The following CACNA1C variants were observed in gnomAD, a reference collection of about 807,000 sequenced individuals.
CACNA1C encodes calcium voltage-gated channel subunit alpha1 C.
CACNA1C carries 30 observed loss-of-function variants against 229.0 expected under a neutral mutation model. The observed-to-expected ratio is 0.13, with a 90% confidence interval of 0.10 to 0.18. The LOEUF is 0.18. Ranked by LOEUF, CACNA1C falls within the 10% of genes least tolerant of loss-of-function variation. CACNA1C has a pLI of 1.00. For synonymous variants in CACNA1C, 1,114 were observed against 1,132.5 expected (o/e 0.98, Z 0.33); for missense variants, 1,658 against 2,845.0 (o/e 0.58, Z 9.49).
intron 1 of CACNA1C, among the ~76,000 whole-genome samples, chr12:2,031,787 T>C (rs2048265791): frequency 6.6e-6 from 1 of 152,198 alleles, no homozygotes; most frequent in South Asian, 2.1e-4. Context: ...GTGGCTTTCT[T>C]TGGCTTTCTC....
rs1481254392 is a variant in CACNA1C, at chr12:2,354,802, G to A, written c.478-94174G>A. Reference sequence around the variant, plus strand: ...GGCCTTGACTTCTGGTTCCATTCTCGTTTCCCTGGGCTGCTCTCCACCTTC... The same window carrying A: ...GGCCTTGACTTCTGGTTCCATTCTCATTTCCCTGGGCTGCTCTCCACCTTC... On this transcript the variant is annotated intron_variant, in intron 3 of 46. Coordinates refer to ENST00000399655, the MANE Select transcript of CACNA1C (RefSeq NM_000719.7). The surrounding 1 kb of genome is among the most constrained non-coding windows in gnomAD (Gnocchi z 4.6). Among the ~76,000 whole-genome samples, 3 of 152,122 alleles carry A rather than the reference G, an allele frequency of 2.0e-5. No homozygotes were observed. The highest frequency in any genetic ancestry group is 1.3e-4 in the Admixed American group (2 of 15,280).
At chr12:2,307,300 C>G (rs2095113940) in intron 3 of CACNA1C, among the ~76,000 whole-genome samples, 1 of 152,208 alleles carries the variant, frequency 6.6e-6, no homozygotes, top group Non-Finnish European at 1.5e-5. Flanking sequence ...TTGGCAAAAG[C>G]ATTTCATTGC....
rs1567034236 is a variant in CACNA1C, at chr12:2,319,514, C to T, written c.478-129462C>T. Among the ~76,000 whole-genome samples the T allele has an allele frequency of 6.6e-6, 1 of 152,176 alleles. No homozygotes were observed. Among genetic ancestry groups the T allele is most frequent in the Admixed American group, 6.5e-5 (1 of 15,288 alleles). ...CCCTGACACCCTGGCTCCGAACCCC[C>T]AGCAGCCAGCGGGTGGGTTGGATTC... On this transcript the variant is annotated intron_variant, in intron 3 of 46. Transcript: ENST00000399655. The surrounding 1 kb of genome is among the most constrained non-coding windows in gnomAD (Gnocchi z 4.0).
In CACNA1C at chr12:2,688,431, C is replaced by T; in HGVS notation, c.5785-16C>T. 1.2e-6 allele frequency: 2 copies of T among 1,613,132 alleles called. No individual in the cohort carries two copies. The highest frequency in any genetic ancestry group is 1.3e-5 in the African/African-American group (1 of 75,066). ...TCGGCCACTCCTATTAACTCACACT[C>T]CTTGTGTGTCCGCAGGCATTGGCAG... On this transcript the variant is annotated splice_polypyrimidine_tract_variant and intron_variant, in intron 45 of 46. Transcript: ENST00000399655.
chr12:2,322,610 C>T (rs1016299178), intron 3 of CACNA1C, among the ~76,000 whole-genome samples: 4 of 152,156 alleles, frequency 2.6e-5, no homozygotes, highest in Admixed American at 6.5e-5. Context: ...AGGCTAGAAA[C>T]GGGACCCTCC....
chr12:2,409,291 C>T (rs2098778163), intron 3 of CACNA1C, among the ~76,000 whole-genome samples: 1 of 152,204 alleles, frequency 6.6e-6, no homozygotes, highest in African/African-American at 2.4e-5. Context: ...TGATCGTCTC[C>T]TTCCCCTAGA....
At position 2,647,957 on chromosome 12, in the gene CACNA1C, G is replaced by A. The variant is rs216033; in HGVS notation, c.3913-518G>A. ...AGCCTGGGCAGTATAGTGAGACCCTGTCTCTAAAAAAATTAAAATAAAAAA... is the reference window on the plus strand; with the variant it reads ...AGCCTGGGCAGTATAGTGAGACCCTATCTCTAAAAAAATTAAAATAAAAAA... On this transcript the variant is annotated intron_variant, in intron 30 of 46. Transcript: ENST00000399655. This position sits in a 1 kb window ranked among gnomAD's most constrained non-coding sequence, Gnocchi z 4.2. Among the ~76,000 whole-genome samples the A allele has an allele frequency of 0.29, 44,780 of 151,820 alleles. 8,008 individuals are homozygous for A. Among genetic ancestry groups the A allele is most frequent in the African/African-American group, 0.51 (21,156 of 41,304 alleles).
rs12099883 is a variant in CACNA1C at position 2,440,116 on chromosome 12, A to G, written c.478-8860A>G. Among the ~76,000 whole-genome samples, 1,210 of 152,264 alleles carry G rather than the reference A, an allele frequency of 7.9e-3. 23 individuals are homozygous for G. Among genetic ancestry groups the G allele is most frequent in the African/African-American group, 0.027 (1,141 of 41,556 alleles). ...GATCCAAAAGAATGCTTCTTTTTTTATTGTGGTAAAATATATATAACACAA... is the reference window on the plus strand; with the variant it reads ...GATCCAAAAGAATGCTTCTTTTTTTGTTGTGGTAAAATATATATAACACAA... On this transcript the variant is annotated intron_variant, in intron 3 of 46. Coordinates refer to ENST00000399655, the MANE Select transcript of CACNA1C (RefSeq NM_000719.7).
At chr12:2,121,618 G>A (rs2086783726) in intron 3 of CACNA1C, among the ~76,000 whole-genome samples, 1 of 152,212 alleles carries the variant, frequency 6.6e-6, no homozygotes, top group South Asian at 2.1e-4. Context: ...GTGATGGCAT[G>A]GCCAGAGTCG....
rs773264372 is a variant in CACNA1C at position 2,067,785 on chromosome 12, G to A, written c.49+14174G>A. Among the ~76,000 whole-genome samples, 7 of 152,098 alleles carry A rather than the reference G, an allele frequency of 4.6e-5. No homozygotes were observed. Among genetic ancestry groups the A allele is most frequent in the Non-Finnish European group, 7.4e-5 (5 of 68,018 alleles). On this transcript the variant is annotated intron_variant, in intron 1 of 46. Transcript: ENST00000399655. This position sits in a 1 kb window ranked among gnomAD's most constrained non-coding sequence, Gnocchi z 5.3. The stretch of plus-strand genomic sequence containing the variant: ...AAAGGAGGAGTGATGGGGCAATCAA[G>A]ACCACAAGTGCCAACCTCAGCGCAC...
At chr12:1,976,277 A>G (rs1295077171) in intron 1 of CACNA1C, among the ~76,000 whole-genome samples, 1 of 152,200 alleles carries the variant, frequency 6.6e-6, no homozygotes. Flanking sequence ...GTGCATAATA[A>G]ATAGATCAAT....
Position 2,560,848 on chromosome 12 carries a change from TAAA to T in CACNA1C, c.1508+3892_1508+3894del, listed in dbSNP as rs36012443. The stretch of plus-strand genomic sequence containing the variant: ...CTGTGGTGTTTGTTGTTGGTTCTGG[TAAA>T]AAAAAAAAAAAAAAAAAAAAGTGGA... On this transcript the variant is annotated intron_variant, in intron 11 of 46. Transcript: ENST00000399655. Among the ~76,000 whole-genome samples, 1,125 of 113,066 alleles carry T rather than the reference TAAA, an allele frequency of 9.9e-3. 16 individuals are homozygous for T. The highest frequency in any genetic ancestry group is 0.035 in the African/African-American group (1,012 of 29,088). The allele number at this position is 113,066 out of a possible 152,430, so 74.2% of individuals were successfully genotyped here.
At chr12:2,004,831 A>T (rs1194179358) in intron 1 of CACNA1C, 1 of 182,164 alleles carries the variant, frequency 5.5e-6, no homozygotes, top group African/African-American at 2.4e-5. Flanking sequence ...AGCCTCGAGC[A>T]TCAAGAACTC....
intron 38 of CACNA1C, among the ~76,000 whole-genome samples, chr12:2,670,612 G>A (rs2096512071): frequency 6.6e-6 from 1 of 152,056 alleles, no homozygotes. Context: ...TGTAATTCCA[G>A]CACTTTGAGA....
chr12:2,607,444 T>G (rs142019186), intron 26 of CACNA1C: 723 of 254,248 alleles, frequency 2.8e-3, no homozygotes, highest in Non-Finnish European at 3.8e-3. Context: ...GGGAGTTGGG[T>G]GTGGGGAGAG....
In CACNA1C at chr12:2,647,746, C is replaced by T. The variant is rs1336540013; in HGVS notation, c.3913-729C>T. The stretch of plus-strand genomic sequence containing the variant: ...ATAGGCTCTGGGGTCAGCAAGGCCT[C>T]TGTCCTTCAGCTGGCCCTGCCTGGG... On this transcript the variant is annotated intron_variant, in intron 30 of 46. Transcript: ENST00000399655. The surrounding 1 kb of genome is among the most constrained non-coding windows in gnomAD (Gnocchi z 4.2). 1.3e-5 allele frequency among the ~76,000 whole-genome samples: 2 copies of T among 152,204 alleles called. No homozygotes were observed. Among genetic ancestry groups the T allele is most frequent in the Non-Finnish European group, 2.9e-5 (2 of 68,032 alleles).
Position 2,665,974 on chromosome 12 carries a change from G to A in CACNA1C, c.4526+266G>A, listed in dbSNP as rs1209791731. Among the ~76,000 whole-genome samples the A allele has an allele frequency of 6.6e-6, 1 of 152,136 alleles. No homozygotes were observed. Among genetic ancestry groups the A allele is most frequent in the East Asian group, 1.9e-4 (1 of 5,188 alleles). On this transcript the variant is annotated intron_variant, in intron 36 of 46. Coordinates refer to ENST00000399655, the MANE Select transcript of CACNA1C (RefSeq NM_000719.7). This position sits in a 1 kb window ranked among gnomAD's most constrained non-coding sequence, Gnocchi z 5.9. ...GAAGGCAAAGGTGGTTGAATCACTC[G>A]AGGCCAGGAGTTCAAGACCAGCCTG...
intron 26 of CACNA1C, chr12:2,607,976 A>G (rs1450064398): frequency 6.6e-6 from 1 of 152,662 alleles, no homozygotes; most frequent in Non-Finnish European, 1.5e-5. Flanking sequence ...TGGGGCACAC[A>G]GCCCAGGCTC....
intron 3 of CACNA1C, among the ~76,000 whole-genome samples, chr12:2,253,698 C>A (rs2076403185): frequency 6.6e-6 from 1 of 152,230 alleles, no homozygotes; most frequent in Non-Finnish European, 1.5e-5. Flanking sequence ...CGTAGGTAGT[C>A]AGTAAATGTC....
Sources: gnomAD v4.1 joint callset for allele counts (sites outside exome capture counted in the v4.1 genomes callset) on GRCh38, gnomAD v4.1.1 for gene constraint, Gnocchi (gnomAD v3.1) non-coding constraint, MANE v1.5 for transcripts, NCBI Gene and HGNC (gene_info 2026-07-23, HGNC 2026-07-21) for gene names.